The following LINGO2 variants were observed in gnomAD, a reference collection of about 807,000 sequenced individuals.
The protein encoded by LINGO2 is leucine rich repeat and Ig domain containing 2.
LINGO2 carries 14 observed loss-of-function variants against 30.6 expected under a neutral mutation model. The observed-to-expected ratio is 0.46, with a 90% confidence interval of 0.30 to 0.72. The LOEUF is 0.72. Ranked by LOEUF, LINGO2 falls within the 30% of genes least tolerant of loss-of-function variation. The pLI is 0.07. For synonymous variants in LINGO2, 317 were observed against 288.5 expected, an observed-to-expected ratio of 1.10 and a Z score of -1.00; for missense variants, 729 against 751.7, an observed-to-expected ratio of 0.97 and a Z score of 0.35.
At chr9:27,961,588 G>T (rs10738786) in intron 5 of LINGO2, among the ~76,000 whole-genome samples, 145,034 of 152,158 alleles carry the variant, frequency 0.95, 69,518 homozygotes, top group East Asian at 1. Flanking sequence ...CTGTTTACAC[G>T]TTATCCGGAG....
chr9:28,276,598 G>T (rs1455573983), intron 4 of LINGO2, among the ~76,000 whole-genome samples: 1 of 152,138 alleles, frequency 6.6e-6, no homozygotes, highest in Non-Finnish European at 1.5e-5. Context: ...TGTTGGAAAA[G>T]TCTTTGTTGG....
chr9:28,310,439 C>T (rs1824567429), intron 3 of LINGO2, among the ~76,000 whole-genome samples: 1 of 152,166 alleles, frequency 6.6e-6, no homozygotes, highest in Admixed American at 6.5e-5. Context: ...CCAGATTCTT[C>T]TGCAGCCCTC....
At chr9:28,787,271 T>C in the LINGO2 span, among the ~76,000 whole-genome samples, 425 of 152,258 alleles carry the variant, frequency 2.8e-3, no homozygotes, top group Admixed American at 8.4e-3. Context: ...AAAGATCTTG[T>C]ACACTACAAA....
In LINGO2 at chr9:28,223,420, AG is replaced by A. The variant is rs535116867; in HGVS notation, c.-87+71787del. Among the ~76,000 whole-genome samples the A allele has an allele frequency of 3.8e-3, 576 of 152,336 alleles. 3 individuals are homozygous for A. The highest frequency in any genetic ancestry group is 0.013 in the African/African-American group (548 of 41,576). ...TACAATGGCCTAAATCTCATTCACA[AG>A]GGGAGAAGCCCTTATAACCTAATCA... On this transcript the variant is annotated intron_variant, in intron 4 of 5. Coordinates refer to ENST00000379992, the Ensembl canonical transcript of LINGO2.
intron 1 of LINGO2, among the ~76,000 whole-genome samples, chr9:28,504,292 T>C (rs906835391): frequency 2.6e-5 from 4 of 151,956 alleles, no homozygotes; most frequent in African/African-American, 9.7e-5. Flanking sequence ...AACACTGTGC[T>C]AAATTTTTTA....
intron 5 of LINGO2, among the ~76,000 whole-genome samples, chr9:27,974,430 T>C (rs990055502): frequency 1.3e-5 from 2 of 151,700 alleles, no homozygotes; most frequent in African/African-American, 4.8e-5. Flanking sequence ...TGAAGGACGG[T>C]AGCAATGTCT....
At chr9:27,989,788 C>G (rs1821305533) in intron 5 of LINGO2, among the ~76,000 whole-genome samples, 1 of 151,982 alleles carries the variant, frequency 6.6e-6, no homozygotes, top group South Asian at 2.1e-4. Flanking sequence ...AATGAAGAAA[C>G]AGAAATCTGG....
Position 28,640,812 on chromosome 9 carries a change from T to G in LINGO2, c.-365+29388A>C, listed in dbSNP as rs1376897608. Among the ~76,000 whole-genome samples the G allele has an allele frequency of 2.6e-5, 4 of 152,172 alleles. No homozygotes were observed. In the East Asian group the frequency reaches 7.7e-4, roughly 29 times the overall value. ...TGGAGTAGTTTGATCATCTGAAGCC[T>G]TCTTCTCTCAACTCGTCAAAGTCAT... On this transcript the variant is annotated intron_variant, in intron 1 of 5. Transcript: ENST00000379992.
At chr9:28,401,828 C>T (rs1188033348) in intron 2 of LINGO2, among the ~76,000 whole-genome samples, 2 of 152,138 alleles carry the variant, frequency 1.3e-5, no homozygotes, top group African/African-American at 4.8e-5. Context: ...AATTGCCATT[C>T]TGACTGGCAT....
At chr9:28,230,474 T>G (rs931991976) in intron 4 of LINGO2, among the ~76,000 whole-genome samples, 1 of 151,928 alleles carries the variant, frequency 6.6e-6, no homozygotes, top group Non-Finnish European at 1.5e-5. Context: ...TGTAGCTTTA[T>G]AATTTCATTT....
chr9:28,512,705 T>C lies in LINGO2; in HGVS notation c.-364-36680A>G, dbSNP rs933720836. On this transcript the variant is annotated intron_variant, in intron 1 of 5. Transcript: ENST00000379992. The stretch of plus-strand genomic sequence containing the variant: ...TCTATCTATCTATCTCTCTGGGAAT[T>C]TATTAAGTATTAGTTACACAATCAC... Among the ~76,000 whole-genome samples the C allele has an allele frequency of 1.1e-4, 16 of 143,336 alleles. 1 individual carries two copies. Among genetic ancestry groups the C allele is most frequent in the Non-Finnish European group, 3.0e-5 (2 of 66,072 alleles). 94.0% of individuals were successfully genotyped at this position (143,336 alleles called of 152,430 possible).
the LINGO2 span, among the ~76,000 whole-genome samples, chr9:28,919,697 G>A: frequency 2.4e-4 from 37 of 151,956 alleles, no homozygotes; most frequent in Admixed American, 1.7e-3. Context: ...GGACAAAGAA[G>A]GTTACTTTTA....
intron 4 of LINGO2, among the ~76,000 whole-genome samples, chr9:28,273,059 A>G (rs1407146303): frequency 2.0e-5 from 3 of 152,186 alleles, no homozygotes; most frequent in Non-Finnish European, 4.4e-5. Context: ...TGTAAGCTCC[A>G]TATATACTTA....
At chr9:28,391,518 G>C (rs535398290) in intron 2 of LINGO2, among the ~76,000 whole-genome samples, 1 of 151,948 alleles carries the variant, frequency 6.6e-6, no homozygotes, top group Non-Finnish European at 1.5e-5. Flanking sequence ...CCTTACCAAG[G>C]CCTTCCCTGT....
In LINGO2 at chr9:27,950,753, A is replaced by G. The variant is rs1587514676; in HGVS notation, c.-35-47T>C. ...AGGGAGGAAGAGAAGGTGAGTTAGG[A>G]TATAAATAGGTGAAGGGGCATAAAT... On this transcript the variant is annotated intron_variant, in intron 5 of 5. Coordinates refer to ENST00000379992, the Ensembl canonical transcript of LINGO2. The G allele has an allele frequency of 2.6e-6, 3 of 1,142,906 alleles. No individual in the cohort carries two copies. The East Asian group carries it at 7.7e-5, about 29-fold the overall frequency. 70.8% of individuals were successfully genotyped at this position (1,142,906 alleles called of 1,614,324 possible).
At chr9:28,227,563 C>T (rs2133923143) in intron 4 of LINGO2, among the ~76,000 whole-genome samples, 1 of 152,040 alleles carries the variant, frequency 6.6e-6, no homozygotes, top group East Asian at 1.9e-4. Context: ...AATCAATGTT[C>T]TCTTTTTTCC....
chr9:28,870,698 A>G, the LINGO2 span, among the ~76,000 whole-genome samples: 2 of 149,866 alleles, frequency 1.3e-5, no homozygotes, highest in Admixed American at 6.6e-5. Flanking sequence ...AATCATAAGT[A>G]AAAGCATAAA....
chr9:28,896,814 T>C, the LINGO2 span, among the ~76,000 whole-genome samples: 2 of 152,118 alleles, frequency 1.3e-5, no homozygotes, highest in African/African-American at 4.8e-5. Context: ...GCAATGCCAT[T>C]ATGTTGCCCT....
intron 1 of LINGO2, among the ~76,000 whole-genome samples, chr9:28,541,843 T>A (rs1821712985): frequency 6.6e-6 from 1 of 152,142 alleles, no homozygotes; most frequent in Admixed American, 6.6e-5. Context: ...GAGTTAAAAT[T>A]CAAAAACTTG....
Sources: allele counts gnomAD v4.1 joint callset (sites outside exome capture counted in the v4.1 genomes callset), GRCh38; gene constraint gnomAD v4.1.1; transcripts MANE v1.5; gene names NCBI Gene and HGNC (gene_info 2026-07-23, HGNC 2026-07-21).